Variants in ANKRD36C observed in about 807,000 individuals in gnomAD.
The protein encoded by ANKRD36C is ankyrin repeat domain-containing protein 36C.
In ANKRD36C, 61 loss-of-function variants were observed where a neutral mutation model predicts 276.4. The observed-to-expected ratio is 0.22, with a 90% CI of 0.18 to 0.27. The LOEUF (loss-of-function observed/expected upper bound fraction) is 0.27, where lower values mean the gene tolerates loss of function less well. Among genes scored for constraint, ANKRD36C ranks in the 10% least tolerant of loss-of-function variants. The pLI, the probability that ANKRD36C is intolerant of heterozygous loss-of-function variation, is 1.00. For synonymous variants in ANKRD36C, 483 were observed against 680.1 expected (o/e 0.71, Z 4.51); for missense variants, 1,447 against 2,032.3 (o/e 0.71, Z 5.54).
intron 42 of ANKRD36C, among the ~76,000 whole-genome samples, 188 bp downstream of exon 54, chr2:95,902,698 C>A (rs1175399917): frequency 4.0e-5 from 6 of 150,370 alleles, no homozygotes. Flanking sequence ...AGTGTATAAT[C>A]TTACTGCGAA....
chr2:95,892,640 C>T lies in ANKRD36C; in HGVS notation c.2756-780G>A, dbSNP rs187712030. ...TGACCAGTTATTCATTCAGAAATCA[C>T]TGCAATATTCACTATAAATGACCAT... On this transcript the variant is annotated intron_variant, in intron 44 of 66. Coordinates refer to ENST00000456556, the Ensembl canonical transcript of ANKRD36C. Among the ~76,000 whole-genome samples the T allele has an allele frequency of 5.9e-5, 9 of 151,614 alleles. No homozygotes were observed. The South Asian group carries it at 1.9e-3, about 31-fold the overall frequency.
At chr2:95,851,051 A>G, downstream of ANKRD36C, 1 of 669,442 alleles carries the variant, frequency 1.5e-6, no homozygotes, top group Non-Finnish European at 2.7e-6. Flanking sequence ...TGTAAGAAAA[A>G]ATATTTAATG....
At chr2:95,914,116 G>C in exon 40 of ANKRD36C, 1 of 1,568,608 alleles carries the variant, frequency 6.4e-7, no homozygotes, top group East Asian at 2.3e-5. Context: ...ACCTCTCCTA[G>C]TTTTTTCTCC....
At chr2:95,897,397 T>G in intron 44 of ANKRD36C, 40 bp downstream of exon 59, 1 of 1,546,860 alleles carries the variant, frequency 6.5e-7, no homozygotes, top group Non-Finnish European at 8.8e-7. Flanking sequence ...TCATAGACTA[T>G]ACATTTACTA....
At chr2:95,921,342 C>T (rs1209485670) in intron 34 of ANKRD36C, among the ~76,000 whole-genome samples, 2 of 151,160 alleles carry the variant, frequency 1.3e-5, no homozygotes, top group Non-Finnish European at 3.0e-5. Context: ...CCCCAGAGCC[C>T]CTTATGTCTT....
intron 33 of ANKRD36C, 42 bp from the exon 34 acceptor site, chr2:95,921,721 T>C (rs1487529204): frequency 6.3e-7 from 1 of 1,586,972 alleles, no homozygotes; most frequent in Non-Finnish European, 8.6e-7. Context: ...AATAAATAAA[T>C]GAAGCATGTT....
intron 34 of ANKRD36C, among the ~76,000 whole-genome samples, chr2:95,920,860 G>A (rs1402520906): frequency 6.7e-6 from 1 of 150,114 alleles, no homozygotes; most frequent in South Asian, 2.1e-4. Context: ...GAACAAGGAA[G>A]CCAATGTATT....
intron 44 of ANKRD36C, among the ~76,000 whole-genome samples, chr2:95,894,516 T>A (rs1441380848): frequency 3.3e-5 from 5 of 151,466 alleles, no homozygotes; most frequent in Non-Finnish European, 7.4e-5. Context: ...CCAATATTCA[T>A]TGAAAATGAT....
chr2:95,917,357 C>A (rs762435477), intron 36 of ANKRD36C, among the ~76,000 whole-genome samples: 6 of 151,568 alleles, frequency 4.0e-5, no homozygotes, highest in Non-Finnish European at 7.4e-5. Context: ...TAAATAACTT[C>A]TTTTCCCTCC....
At chr2:95,916,206 G>C (rs772606001) in intron 36 of ANKRD36C, 35 bp from the exon 39 acceptor site, 25 of 1,601,290 alleles carry the variant, frequency 1.6e-5, no homozygotes, top group Non-Finnish European at 1.8e-5. Context: ...TCACTCACTC[G>C]TAAATATGAT....
At chr2:95,891,951 T>A (rs1676376093) in intron 44 of ANKRD36C, 91 bp from the exon 65 acceptor site, 11 of 1,537,320 alleles carry the variant, frequency 7.2e-6, no homozygotes, top group Non-Finnish European at 8.8e-6. Flanking sequence ...ACCTCTGTCC[T>A]CCTGCCTGTA....
At chr2:95,884,579 G>A (rs554052667) in intron 52 of ANKRD36C, among the ~76,000 whole-genome samples, 10 of 152,104 alleles carry the variant, frequency 6.6e-5, no homozygotes, top group Admixed American at 5.2e-4. Flanking sequence ...ACAATTTCAA[G>A]CATGGTATGA....
chr2:95,903,622 T>G (rs1676720779), intron 42 of ANKRD36C, among the ~76,000 whole-genome samples: 1 of 150,978 alleles, frequency 6.6e-6, no homozygotes, highest in African/African-American at 2.4e-5. Flanking sequence ...TGGATATCTG[T>G]TTGCTGATAC....
chr2:95,930,497 G>A (rs1183519858), intron 24 of ANKRD36C, among the ~76,000 whole-genome samples: 1 of 151,640 alleles, frequency 6.6e-6, no homozygotes, highest in Non-Finnish European at 1.5e-5. Flanking sequence ...GGATTCAGCA[G>A]TTCAACTTTC....
Position 95,916,278 on chromosome 2 carries a change from G to A in ANKRD36C, c.2348-107C>T. 1.9e-5 allele frequency: 30 copies of A among 1,549,398 alleles called. 1 individual carries two copies. Among genetic ancestry groups the A allele is most frequent in the Non-Finnish European group, 2.5e-5 (29 of 1,146,094 alleles). On this transcript the variant is annotated intron_variant, in intron 36 of 66. Transcript: ENST00000456556. ...CCTCTGAACTCCTGCCTGTATTAGT[G>A]GAGGCTTTGATGGCTTCTACTTTGT... is the stretch of plus-strand genomic sequence containing the variant.
intron 42 of ANKRD36C, among the ~76,000 whole-genome samples, chr2:95,911,753 C>T (rs185928723): frequency 2.4e-3 from 356 of 151,332 alleles, no homozygotes; most frequent in African/African-American, 8.2e-3. Flanking sequence ...ATTATATAAA[C>T]GACTTCCTCT....
In ANKRD36C at chr2:95,884,387, A is replaced by T. The variant is rs1408682788; in HGVS notation, c.3164-19T>A. ...GAAGACACTGAAAAGCAAAAGGGAT[A>T]CATAATCACCCACATGCACGTATGA... On this transcript the variant is annotated intron_variant, in intron 52 of 66. Coordinates refer to ENST00000456556, the Ensembl canonical transcript of ANKRD36C. 1.2e-6 allele frequency: 2 copies of T among 1,610,656 alleles called. No homozygotes were observed. Among genetic ancestry groups the T allele is most frequent in the African/African-American group, 2.7e-5 (2 of 74,796 alleles).
chr2:95,885,968 A>G, intron 52 of ANKRD36C, 80 bp downstream of exon 72: 2 of 1,558,750 alleles, frequency 1.3e-6, no homozygotes, highest in South Asian at 1.2e-5. Context: ...GCTTCAATGA[A>G]CCCCCCGCTG....
Position 95,925,206 on chromosome 2 carries a change from A to C in ANKRD36C, c.2041+146T>G, listed in dbSNP as rs1173938304. 11 of 1,327,998 alleles carry C rather than the reference A, an allele frequency of 8.3e-6. No homozygotes were observed. In the East Asian group the frequency reaches 2.0e-4, roughly 24 times the overall value. 82.3% of individuals were successfully genotyped at this position (1,327,998 alleles called of 1,614,324 possible). A position where few individuals can be genotyped will look rare whatever the true frequency, so the allele number is the denominator to read the frequency against. On this transcript the variant is annotated intron_variant, in intron 30 of 66. Transcript: ENST00000456556. ...GCCAAGGACCAGCAGCATCAGCACC[A>C]CCTGACAACTTACTAGAAATGCACA...
Sources: gnomAD v4.1 joint callset for allele counts (sites outside exome capture counted in the v4.1 genomes callset) on GRCh38, gnomAD v4.1.1 for gene constraint, MANE v1.5 for transcripts, NCBI Gene and HGNC (gene_info 2026-07-23, HGNC 2026-07-21) for gene names.